The following LEMD2 variants were observed in gnomAD, a reference collection of about 807,000 sequenced individuals.
LEMD2 encodes LEM domain nuclear envelope protein 2, also known as LEM domain-containing protein 2.
Under a neutral mutation model 58.8 loss-of-function variants are expected in LEMD2, and 34 were observed. That is an observed-to-expected ratio of 0.58 (90% CI 0.44 to 0.77). The LOEUF (loss-of-function observed/expected upper bound fraction) is 0.77, where lower values mean the gene tolerates loss of function less well. Among genes scored for constraint, LEMD2 ranks in the 30% least tolerant of loss-of-function variants. The probability of loss-of-function intolerance (pLI) is 0.00; values close to 1 mark genes in which losing one functional copy is unlikely to be tolerated. For missense variants in LEMD2, 629 were observed against 717.9 expected, an observed-to-expected ratio of 0.88 and a Z score of 1.42; for synonymous variants, 298 against 308.9, an observed-to-expected ratio of 0.96 and a Z score of 0.37.
At position 33,777,031 on chromosome 6, in the gene LEMD2, G is replaced by A. The variant is rs150526766; in HGVS notation, c.1284C>T (p.Asp428=). ...GATAGCGCTCCATGTCCTGCTCCCA[G>A]TCCACGTAATGGTCCTGGACCACGT... ...IIDVVQDHYV[D]WEQDMERYPY... is the part of the protein sequence containing the mutation. The change falls in exon 8 of 9, where the codon GAC becomes GAT. Residue 428 remains aspartate (D), a synonymous_variant. Transcript: ENST00000293760. The A allele has an allele frequency of 1.8e-5, 29 of 1,614,138 alleles. No homozygotes were observed. The African/African-American group carries it at 3.2e-4, about 18-fold the overall frequency.
rs1767289583 is a variant in LEMD2 at position 33,771,474 on chromosome 6, G to A, written c.*1154C>T. On this transcript the variant is annotated 3_prime_UTR_variant, in exon 9 of 9. Transcript: ENST00000293760. ...AGAGGGGTGGTTAATGTTTCTGGAG[G>A]CAGCTGTGGAATTTCCTGTTTGCTC... is the stretch of plus-strand genomic sequence containing the variant. 6.6e-6 allele frequency: 1 copy of A among 152,260 alleles called. No individual in the cohort carries two copies. Among genetic ancestry groups the A allele is most frequent in the South Asian group, 2.1e-4 (1 of 4,834 alleles). 9.4% of individuals were successfully genotyped at this position (152,260 alleles called of 1,614,324 possible).
chr6:33,777,755 G>A (rs1363392456), intron 6 of LEMD2, among the ~76,000 whole-genome samples: 2 of 152,194 alleles, frequency 1.3e-5, no homozygotes, highest in Non-Finnish European at 1.5e-5. Flanking sequence ...GCTCAAAGGC[G>A]GCCCCCGATG....
In LEMD2 at chr6:33,777,242, G is replaced by A. The variant is rs753590494; in HGVS notation, c.1157-3C>T. The A allele has an allele frequency of 1.9e-6, 3 of 1,601,282 alleles. No homozygotes were observed. Among genetic ancestry groups the A allele is most frequent in the Non-Finnish European group, 2.6e-6 (3 of 1,168,298 alleles). Reference sequence around the variant, plus strand: ...GAGCCCCCACAAAAAAGCCAAGCCTGTGAGGGAACAAAACACTGTTAATCC... The same window carrying A: ...GAGCCCCCACAAAAAAGCCAAGCCTATGAGGGAACAAAACACTGTTAATCC... On this transcript the variant is annotated splice_polypyrimidine_tract_variant and splice_region_variant and intron_variant, in intron 6 of 8. Coordinates refer to ENST00000293760, the MANE Select transcript of LEMD2 (RefSeq NM_181336.4).
At chr6:33,782,018 G>T (rs1374135144) in intron 3 of LEMD2, 1 of 152,174 alleles carries the variant, frequency 6.6e-6, no homozygotes, top group Non-Finnish European at 1.5e-5. Flanking sequence ...GCAGCTGAAG[G>T]TCATATTTTA....
In LEMD2 at chr6:33,778,825, A is replaced by C. The variant is rs1295250879; in HGVS notation, c.1011-438T>G. The C allele has an allele frequency of 6.5e-6, 1 of 152,938 alleles. No individual in the cohort carries two copies. The highest frequency in any genetic ancestry group is 1.5e-5 in the Non-Finnish European group (1 of 68,622). The allele number at this position is 152,938 out of a possible 1,614,324, so 9.5% of individuals were successfully genotyped here. Reference sequence around the variant, plus strand: ...AGGCACATAAGCTGTTTAAGTGTAAAGATCATGGGGCATCCATGAGGCTCA... The same window carrying C: ...AGGCACATAAGCTGTTTAAGTGTAACGATCATGGGGCATCCATGAGGCTCA... On this transcript the variant is annotated intron_variant, in intron 5 of 8. Coordinates refer to ENST00000293760, the MANE Select transcript of LEMD2 (RefSeq NM_181336.4). The surrounding 1 kb of genome is among the most constrained non-coding windows in gnomAD (Gnocchi z 4.7).
chr6:33,786,810 T>C, intron 1 of LEMD2, 36 bp from the exon 2 acceptor site: 4 of 1,612,246 alleles, frequency 2.5e-6, no homozygotes, highest in Non-Finnish European at 3.4e-6. Flanking sequence ...GGAAATTAAG[T>C]GTGGGTTGAG....
chr6:33,780,033 G>A (rs1419534677), intron 5 of LEMD2, 67 bp downstream of exon 5: 5 of 1,335,836 alleles, frequency 3.7e-6, no homozygotes, highest in Admixed American at 2.0e-5. Flanking sequence ...GAGCACGGGT[G>A]TTAGCTGACG....
At chr6:33,772,807 G>T in intron 8 of LEMD2, 29 bp from the exon 9 acceptor site, 1 of 1,604,670 alleles carries the variant, frequency 6.2e-7, no homozygotes. Flanking sequence ...GGCTCTGCCT[G>T]GCACTGCCGA....
In LEMD2 at chr6:33,776,982, G is replaced by A. The variant is rs753188777; in HGVS notation, c.1333C>T (p.Arg445Cys). ...RYPYVGILHV[R>C]DSLIPPQSRR... ...CTCTGTGGAGGGATCAAGCTGTCGC[G>A]CACGTGCAGGATGCCTACATATGGA... The change falls in exon 8 of 9, where the codon CGC becomes TGC. Residue 445 changes from arginine to cysteine, a missense_variant. Arg to Cys is a radical substitution (Grantham distance 180, BLOSUM62 -3). This residue lies in a region of LEMD2 where 243 missense variants were observed against 336.8 expected (regional missense o/e 0.72). Coordinates refer to ENST00000293760, the MANE Select transcript of LEMD2 (RefSeq NM_181336.4). The A allele has an allele frequency of 2.5e-6, 4 of 1,613,858 alleles. No individual in the cohort carries two copies. The highest frequency in any genetic ancestry group is 2.5e-6 in the Non-Finnish European group (3 of 1,179,978).
chr6:33,787,783 A>C (rs1029977990), intron 1 of LEMD2, among the ~76,000 whole-genome samples: 15 of 152,088 alleles, frequency 9.9e-5, no homozygotes, highest in African/African-American at 3.1e-4. Context: ...CTCTTAACAC[A>C]CTCCATGAGG....
intron 1 of LEMD2, among the ~76,000 whole-genome samples, chr6:33,787,906 G>A (rs937399162): frequency 3.3e-5 from 5 of 152,200 alleles, no homozygotes; most frequent in Non-Finnish European, 7.3e-5. Context: ...TCAAAGAAGT[G>A]GAGAGTGGAC....
Position 33,780,244 on chromosome 6 carries a change from C to G in LEMD2, c.931-65G>C, listed in dbSNP as rs770216081. 8 of 1,385,906 alleles carry G rather than the reference C, an allele frequency of 5.8e-6. No individual in the cohort carries two copies. In the South Asian group the frequency reaches 8.7e-5, roughly 15 times the overall value. The allele number at this position is 1,385,906 out of a possible 1,614,324, so 85.9% of individuals were successfully genotyped here. A position where few individuals can be genotyped will look rare whatever the true frequency, so the allele number is the denominator to read the frequency against. Reference sequence around the variant, plus strand: ...GCGGAGCAGCTGGAACATTATTCTGCTGCTGGATTAAGGAAGCCCTCTCCC... The same window carrying G: ...GCGGAGCAGCTGGAACATTATTCTGGTGCTGGATTAAGGAAGCCCTCTCCC... On this transcript the variant is annotated intron_variant, in intron 4 of 8. Transcript: ENST00000293760.
chr6:33,784,468 G>A, intron 2 of LEMD2, 41 bp from the exon 3 acceptor site: 3 of 643,572 alleles, frequency 4.7e-6, no homozygotes, highest in Admixed American at 2.2e-5. Context: ...GGAGGGGTGG[G>A]TGGGAGGGGT....
At chr6:33,775,044 T>C (rs1767398337) in intron 8 of LEMD2, among the ~76,000 whole-genome samples, 1 of 152,194 alleles carries the variant, frequency 6.6e-6, no homozygotes, top group Admixed American at 6.5e-5. Context: ...ATCACCTGCA[T>C]TTTAGGATAA....
intron 3 of LEMD2, among the ~76,000 whole-genome samples, chr6:33,783,580 A>G (rs867163165): frequency 6.6e-6 from 1 of 152,342 alleles, no homozygotes. Context: ...ACCTATGTCA[A>G]CTGCAAGTGA....
At position 33,772,677 on chromosome 6, in the gene LEMD2, A is replaced by T; in HGVS notation, c.1463T>A (p.Leu488Gln). 1 of 1,614,082 alleles carries T rather than the reference A, an allele frequency of 6.2e-7. No homozygotes were observed. Residue 488 changes from leucine to glutamine, a missense_variant, in exon 9 of 9, where the codon CTG becomes CAG. Coordinates refer to ENST00000293760, the MANE Select transcript of LEMD2 (RefSeq NM_181336.4). Reference sequence around the variant, plus strand: ...AGAGGGCTTAGTCCATCTCCACACCAGCATGTCCTCTCCTGCAACGCGGTG... The same window carrying T: ...AGAGGGCTTAGTCCATCTCCACACCTGCATGTCCTCTCCTGCAACGCGGTG... ...ESHRVAGEDM[L>Q]VWRWTKPSSF...
Position 33,773,596 on chromosome 6 carries a change from G to GGT in LEMD2, c.1362-819_1362-818insAC, listed in dbSNP as rs201053667. Among the ~76,000 whole-genome samples, 6 of 114,594 alleles carry GGT rather than the reference G, an allele frequency of 5.2e-5. No individual in the cohort carries two copies. In the East Asian group the frequency reaches 6.4e-4, roughly 12 times the overall value. The allele number at this position is 114,594 out of a possible 152,430, so 75.2% of individuals were successfully genotyped here. The stretch of plus-strand genomic sequence containing the variant: ...GAGGTGGCCAGTGAGTCAGGAGGCG[G>GGT]GGGGGGGGCTAGGGCTTCCCCAGGG... On this transcript the variant is annotated intron_variant, in intron 8 of 8. Transcript: ENST00000293760.
At chr6:33,775,095 G>A (rs1485621752) in intron 8 of LEMD2, among the ~76,000 whole-genome samples, 1 of 152,184 alleles carries the variant, frequency 6.6e-6, no homozygotes, top group Non-Finnish European at 1.5e-5. Flanking sequence ...TCATTGTCAC[G>A]ATACTCCTGC....
In LEMD2 at chr6:33,788,443, A is replaced by G; in HGVS notation, c.674T>C (p.Phe225Ser). ...CATCTTCACCCAAAGGATGCCCAGG[A>G]AGACGAGCAGTAGCCCTAGGCTGGC... ...LWASLGLLLV[F>S]LGILWVKMGK... The change falls in exon 1 of 9, where the codon TTC becomes TCC. Residue 225 changes from phenylalanine to serine, a missense_variant. Around this residue, in one of 2 missense-constraint regions of LEMD2, gnomAD observed 386 missense variants for 381.1 expected, o/e 1.01. Transcript: ENST00000293760. 6.3e-7 allele frequency: 1 copy of G among 1,582,580 alleles called. No individual in the cohort carries two copies.
Sources: allele counts gnomAD v4.1 joint callset (sites outside exome capture counted in the v4.1 genomes callset), GRCh38; gene constraint gnomAD v4.1.1; regional missense constraint gnomAD v4.1.1; non-coding constraint Gnocchi (gnomAD v3.1); transcripts MANE v1.5; gene names NCBI Gene and HGNC (gene_info 2026-07-23, HGNC 2026-07-21).